Variants in PDE4D observed in about 807,000 individuals in gnomAD.
PDE4D encodes phosphodiesterase 4D.
PDE4D carries 24 observed loss-of-function variants against 87.4 expected under a neutral mutation model. The ratio of observed to expected loss-of-function variants is 0.27; its 90% CI spans 0.20 to 0.39. The LOEUF (loss-of-function observed/expected upper bound fraction) is 0.39, where lower values mean the gene tolerates loss of function less well. Ranked by LOEUF, PDE4D falls within the 10% of genes least tolerant of loss-of-function variation. The probability of loss-of-function intolerance (pLI) is 1.00; values close to 1 mark genes in which losing one functional copy is unlikely to be tolerated. For missense variants in PDE4D, 714 were observed against 1,041.0 expected (o/e 0.69, Z 4.32); for synonymous variants, 384 against 383.2 (o/e 1.00, Z -0.02).
intron 11 of PDE4D, among the ~76,000 whole-genome samples, chr5:58,981,181 C>T (rs1745055986): frequency 1.3e-5 from 2 of 152,160 alleles, no homozygotes; most frequent in Non-Finnish European, 2.9e-5. Context: ...CTGGGCATCC[C>T]TTAGCCTAGT....
intron 1 of PDE4D, chr5:59,586,867 A>G (rs1825224803): frequency 1.0e-6 from 1 of 985,394 alleles, no homozygotes; most frequent in Non-Finnish European, 1.2e-6. Context: ...AGAAATGAAT[A>G]TTGCTTTTTC....
intron 1 of PDE4D, among the ~76,000 whole-genome samples, chr5:59,465,463 C>T (rs902210593): frequency 6.6e-6 from 1 of 152,120 alleles, no homozygotes; most frequent in Non-Finnish European, 1.5e-5. Flanking sequence ...TTTACACATA[C>T]CCTCCCTGTT....
chr5:59,830,330 A>G (rs988161549), intron 1 of PDE4D, among the ~76,000 whole-genome samples: 2 of 152,086 alleles, frequency 1.3e-5, no homozygotes, highest in Admixed American at 1.3e-4. Context: ...TAATGTCTAC[A>G]TTATTTTTAA....
Position 60,266,206 on chromosome 5 carries a change from G to C in PDE4D, c.-89-80519C>G, listed in dbSNP as rs534495416. Among the ~76,000 whole-genome samples, 5 of 152,284 alleles carry C rather than the reference G, an allele frequency of 3.3e-5. No individual in the cohort carries two copies. The South Asian group carries it at 1.0e-3, about 32-fold the overall frequency. ...ATCATCAGTAAATGCAAGGGAGAAA[G>C]AGAGAGAGGGAAACTGATTAAATAA... On this transcript the variant is annotated intron_variant, in intron 1 of 16. Coordinates refer to the PDE4D transcript ENST00000502484.
chr5:59,993,183 G>C (rs1227366954), intron 2 of PDE4D, among the ~76,000 whole-genome samples: 1 of 152,078 alleles, frequency 6.6e-6, no homozygotes, highest in Non-Finnish European at 1.5e-5. Flanking sequence ...TCTTATTCCA[G>C]ATCTTCCTAA....
chr5:58,998,703 T>C (rs1157839066), intron 6 of PDE4D, among the ~76,000 whole-genome samples: 2 of 151,818 alleles, frequency 1.3e-5, no homozygotes, highest in African/African-American at 2.4e-5. Context: ...TAACAGAAAA[T>C]GAATCTTTTA....
chr5:59,980,966 T>C lies in PDE4D; in HGVS notation c.272+7522A>G, dbSNP rs1489578494. On this transcript the variant is annotated intron_variant, in intron 3 of 16. Transcript: ENST00000502484. ...AATTTTAATCTTGAAAATCACAAAT[T>C]TGGGGCCAGGCATGATGGCTCACGC... 2.0e-5 allele frequency among the ~76,000 whole-genome samples: 3 copies of C among 152,044 alleles called. No individual in the cohort carries two copies. The East Asian group carries it at 5.8e-4, about 29-fold the overall frequency.
At chr5:59,541,103 C>T (rs1186822782) in intron 1 of PDE4D, among the ~76,000 whole-genome samples, 3 of 152,156 alleles carry the variant, frequency 2.0e-5, no homozygotes, top group African/African-American at 7.2e-5. Context: ...GTGACAATTA[C>T]AAGATACTAC....
At chr5:60,312,118 A>G (rs1755096719) in intron 1 of PDE4D, among the ~76,000 whole-genome samples, 1 of 152,198 alleles carries the variant, frequency 6.6e-6, no homozygotes, top group Admixed American at 6.5e-5. Flanking sequence ...CACCCTATTC[A>G]CAGTATCAGA....
intron 3 of PDE4D, among the ~76,000 whole-genome samples, chr5:59,905,192 C>T (rs1002801951): frequency 6.6e-6 from 1 of 152,142 alleles, no homozygotes; most frequent in African/African-American, 2.4e-5. Flanking sequence ...CCCCCTGGCT[C>T]AGTGCATGGA....
intron 1 of PDE4D, among the ~76,000 whole-genome samples, chr5:59,446,964 C>G (rs951130080): frequency 6.6e-6 from 1 of 152,174 alleles, no homozygotes; most frequent in Admixed American, 6.5e-5. Context: ...ATCGCTTTCA[C>G]ATTCCTTTAG....
At chr5:60,183,643 G>A (rs1359629947) in intron 2 of PDE4D, among the ~76,000 whole-genome samples, 2 of 152,090 alleles carry the variant, frequency 1.3e-5, no homozygotes, top group Non-Finnish European at 2.9e-5. Context: ...TTTAAATTTC[G>A]AACATTTTCT....
At position 59,766,463 on chromosome 5, in the gene PDE4D, G is replaced by A. The variant is rs895849600; in HGVS notation, c.455+126705C>T. On this transcript the variant is annotated intron_variant, in intron 1 of 14. Transcript: ENST00000340635. ...TGTCAGAAGAAAGCCTATTTTCATG[G>A]GATTTCCTGCCTTCCTTACATCCCG... Among the ~76,000 whole-genome samples the A allele has an allele frequency of 2.0e-5, 3 of 152,252 alleles. No individual in the cohort carries two copies. The South Asian group carries it at 6.2e-4, about 32-fold the overall frequency.
chr5:59,706,574 A>C (rs183864570), intron 1 of PDE4D, among the ~76,000 whole-genome samples: 2 of 152,212 alleles, frequency 1.3e-5, no homozygotes, highest in African/African-American at 4.8e-5. Context: ...GAATGAGAAC[A>C]TAAGTCTACC....
rs146516131 is a variant in PDE4D, at chr5:59,068,870, G to A, written c.809-29899C>T. On this transcript the variant is annotated intron_variant, in intron 5 of 14. Coordinates refer to ENST00000340635, the MANE Select transcript of PDE4D (RefSeq NM_001104631.2). ...GCTCATCTAATGGTGTGAGAATTAG[G>A]TAAACAGCCAGGTAGCTCATCAAAT... Among the ~76,000 whole-genome samples, 798 of 152,206 alleles carry A rather than the reference G, an allele frequency of 5.2e-3. 7 individuals are homozygous for A. The highest frequency in any genetic ancestry group is 0.017 in the African/African-American group (707 of 41,542).
At chr5:60,338,942 T>C (rs1425005138) in intron 1 of PDE4D, among the ~76,000 whole-genome samples, 1 of 152,162 alleles carries the variant, frequency 6.6e-6, no homozygotes, top group Non-Finnish European at 1.5e-5. Context: ...GGCCTGAAAC[T>C]GCACTGATAG....
intron 1 of PDE4D, among the ~76,000 whole-genome samples, chr5:60,250,833 G>A (rs1470653131): frequency 6.6e-6 from 1 of 151,820 alleles, no homozygotes. Flanking sequence ...CCTCAGGTAG[G>A]CATATCAAGA....
chr5:59,309,841 G>T (rs553581398), intron 1 of PDE4D, among the ~76,000 whole-genome samples: 1 of 152,122 alleles, frequency 6.6e-6, no homozygotes, highest in Non-Finnish European at 1.5e-5. Context: ...ACCAAAGACT[G>T]TGTATCCTGC....
chr5:59,291,738 G>GTTTTTTTTTTTTTTTTTTT (rs57769300), intron 1 of PDE4D, among the ~76,000 whole-genome samples: 1 of 125,576 alleles, frequency 8.0e-6, no homozygotes, highest in African/African-American at 2.8e-5. Flanking sequence ...GTAAAAAGAA[G>GTTTTTTTTTTTTTTTTTTT]TTTTTTTTTT....
Sources: allele counts gnomAD v4.1 joint callset (sites outside exome capture counted in the v4.1 genomes callset), GRCh38; gene constraint gnomAD v4.1.1; transcripts MANE v1.5; gene names NCBI Gene and HGNC (gene_info 2026-07-23, HGNC 2026-07-21).